PTPRN2: variants seen among roughly 807,000 people sequenced by gnomAD.
PTPRN2 encodes receptor-type tyrosine-protein phosphatase N2.
In PTPRN2, 74 loss-of-function variants were observed where a neutral mutation model predicts 118.8. The observed-to-expected ratio is 0.62, with a 90% confidence interval of 0.52 to 0.76. The LOEUF is 0.76. PTPRN2 is among the 30% of genes least tolerant of loss of function. The pLI is 0.00. For synonymous variants in PTPRN2, 641 were observed against 608.0 expected (o/e 1.05, Z -0.80); for missense variants, 1,481 against 1,394.4 (o/e 1.06, Z -0.99).
At chr7:157,553,367 C>T (rs1327924051) in intron 21 of PTPRN2, among the ~76,000 whole-genome samples, 5 of 152,212 alleles carry the variant, frequency 3.3e-5, no homozygotes, top group Non-Finnish European at 7.3e-5. Flanking sequence ...CTGGCCGGAG[C>T]CATGAAGCCG....
At chr7:158,170,936 T>C (rs1003024806) in intron 5 of PTPRN2, among the ~76,000 whole-genome samples, 1 of 151,422 alleles carries the variant, frequency 6.6e-6, no homozygotes, top group Admixed American at 6.6e-5. Context: ...CTACTACTAT[T>C]ATTACAATTA....
At chr7:158,084,286 A>G (rs1050168988) in intron 10 of PTPRN2, among the ~76,000 whole-genome samples, 1 of 56,520 alleles carries the variant, frequency 1.8e-5, no homozygotes, top group African/African-American at 6.6e-5. Context: ...ACCACCCCCC[A>G]CCCCGCCCGC....
intron 2 of PTPRN2, among the ~76,000 whole-genome samples, chr7:158,414,385 G>A (rs115675500): frequency 1.4e-3 from 219 of 152,262 alleles, no homozygotes; most frequent in South Asian, 6.4e-3. Flanking sequence ...GAGGGTGCCC[G>A]GGCGGTTAAC....
Position 157,907,419 on chromosome 7 carries a change from G to A in PTPRN2, c.1724-8682C>T, listed in dbSNP as rs117874057. 0.01 allele frequency among the ~76,000 whole-genome samples: 1,548 copies of A among 149,832 alleles called. 121 individuals carry two copies. In the East Asian group the frequency reaches 0.23, roughly 22 times the overall value. On this transcript the variant is annotated intron_variant, in intron 11 of 22. Coordinates refer to ENST00000389418, the MANE Select transcript of PTPRN2 (RefSeq NM_002847.5). ...CTGTCCCCTGCATGTGGGGTGTCCC[G>A]GGTGGCAGTATCTCCTTGTCCTCTG... is the stretch of plus-strand genomic sequence containing the variant.
At chr7:158,231,686 C>T (rs531632648) in intron 3 of PTPRN2, among the ~76,000 whole-genome samples, 1 of 152,294 alleles carries the variant, frequency 6.6e-6, no homozygotes, top group Admixed American at 6.5e-5. Context: ...TTCATCAGAG[C>T]ATGAAGCACT....
chr7:158,137,620 CA>C (rs1818946939), intron 7 of PTPRN2, among the ~76,000 whole-genome samples: 2 of 152,020 alleles, frequency 1.3e-5, no homozygotes, highest in Non-Finnish European at 2.9e-5. Context: ...GGTGCAGTTC[CA>C]CTACTCCCCT....
intron 14 of PTPRN2, among the ~76,000 whole-genome samples, chr7:157,640,953 G>C (rs1804630432): frequency 6.6e-6 from 1 of 152,218 alleles, no homozygotes; most frequent in Non-Finnish European, 1.5e-5. Flanking sequence ...GCAGTAAAAG[G>C]AATGGTGATG....
At chr7:158,063,070 G>C (rs1810478657) in intron 11 of PTPRN2, among the ~76,000 whole-genome samples, 1 of 152,246 alleles carries the variant, frequency 6.6e-6, no homozygotes, top group Non-Finnish European at 1.5e-5. Flanking sequence ...TTTATCTCTA[G>C]CTAAGGGGTT....
intron 10 of PTPRN2, among the ~76,000 whole-genome samples, chr7:158,084,018 C>T (rs1312589594): frequency 6.6e-6 from 1 of 150,776 alleles, no homozygotes; most frequent in East Asian, 2.0e-4. Context: ...CTGTGGCCCT[C>T]CTGGGCCCTT....
At chr7:158,113,039 CCAG>C (rs563484187) in intron 9 of PTPRN2, among the ~76,000 whole-genome samples, 10 of 151,314 alleles carry the variant, frequency 6.6e-5, no homozygotes, top group Non-Finnish European at 1.0e-4. Context: ...TTAGGGCCCC[CCAG>C]CATTGAGGGC....
In PTPRN2 at chr7:158,381,482, C is replaced by A. The variant is rs567800552; in HGVS notation, c.164-64550G>T. On this transcript the variant is annotated intron_variant, in intron 2 of 22. Coordinates refer to ENST00000389418, the MANE Select transcript of PTPRN2 (RefSeq NM_002847.5). ...ACAAGTTCCTCATTTCCATCTGAGA[C>A]CACCTCAGCCTGGACTTTATTGTCC... Among the ~76,000 whole-genome samples, 6 of 152,338 alleles carry A rather than the reference C, an allele frequency of 3.9e-5. No individual in the cohort carries two copies. The South Asian group carries it at 1.0e-3, about 26-fold the overall frequency.
intron 12 of PTPRN2, among the ~76,000 whole-genome samples, chr7:157,774,620 A>C (rs1309344811): frequency 3.3e-5 from 5 of 152,186 alleles, no homozygotes; most frequent in Non-Finnish European, 5.9e-5. Flanking sequence ...AGTGTCGGCA[A>C]AAGTGGGCTC....
rs370506281 is a variant in PTPRN2 at position 158,007,134 on chromosome 7, G to A, written c.1723+74164C>T. Among the ~76,000 whole-genome samples the A allele has an allele frequency of 2.6e-5, 4 of 152,286 alleles. No individual in the cohort carries two copies. The East Asian group carries it at 5.8e-4, about 22-fold the overall frequency. On this transcript the variant is annotated intron_variant, in intron 11 of 22. Transcript: ENST00000389418. ...TTTCAAGGACACCAGTCCTGCTGGA[G>A]CCAGGCCCACCCCACGACCTCACAT...
intron 9 of PTPRN2, among the ~76,000 whole-genome samples, chr7:158,130,942 C>T (rs552238211): frequency 1.6e-3 from 195 of 124,670 alleles, no homozygotes; most frequent in Non-Finnish European, 2.5e-3. Context: ...TGCATATGCA[C>T]AAACTGACAC....
chr7:158,245,965 A>C (rs1403702689), intron 3 of PTPRN2, among the ~76,000 whole-genome samples: 2 of 152,032 alleles, frequency 1.3e-5, no homozygotes, highest in Admixed American at 1.3e-4. Context: ...ACTTTCAGTC[A>C]CTGAGACACA....
intron 11 of PTPRN2, among the ~76,000 whole-genome samples, chr7:157,957,226 C>T (rs934838285): frequency 2.0e-5 from 3 of 152,158 alleles, no homozygotes; most frequent in South Asian, 4.1e-4. Flanking sequence ...TGTGCACTTC[C>T]CAGAATCTGC....
chr7:157,748,038 TCTGG>T (rs1801121032), intron 12 of PTPRN2, among the ~76,000 whole-genome samples: 4 of 134,284 alleles, frequency 3.0e-5, no homozygotes, highest in East Asian at 2.3e-4. Flanking sequence ...GTCCCTGAGC[TCTGG>T]GCTGTCCGGG....
intron 12 of PTPRN2, among the ~76,000 whole-genome samples, chr7:157,896,032 C>T (rs917837096): frequency 6.6e-6 from 1 of 151,970 alleles, no homozygotes; most frequent in Non-Finnish European, 1.5e-5. Context: ...AAACCCAGAC[C>T]CCCCGATCCA....
intron 12 of PTPRN2, chr7:157,865,929 C>T (rs989249740): frequency 2.0e-5 from 3 of 152,336 alleles, no homozygotes; most frequent in Non-Finnish European, 4.4e-5. Flanking sequence ...GCCAGCACAC[C>T]CTCTGTTCTG....
Sources: allele counts gnomAD v4.1 joint callset (sites outside exome capture counted in the v4.1 genomes callset), GRCh38; gene constraint gnomAD v4.1.1; transcripts MANE v1.5; gene names NCBI Gene and HGNC (gene_info 2026-07-23, HGNC 2026-07-21).